INPP4B: variants seen among roughly 807,000 people sequenced by gnomAD.
INPP4B encodes inositol polyphosphate-4-phosphatase type II B.
In INPP4B, 55 loss-of-function variants were observed where a neutral mutation model predicts 122.5. That is an observed-to-expected ratio of 0.45 (90% CI 0.36 to 0.56). The LOEUF is 0.56. Ranked by LOEUF, INPP4B falls within the 20% of genes least tolerant of loss-of-function variation. INPP4B has a pLI of 0.00. For synonymous variants in INPP4B, 403 were observed against 388.7 expected (o/e 1.04, Z -0.43); for missense variants, 1,000 against 1,097.7 (o/e 0.91, Z 1.26).
intron 2 of INPP4B, among the ~76,000 whole-genome samples, chr4:142,509,106 C>G (rs950244449): frequency 1.3e-5 from 2 of 152,174 alleles, no homozygotes; most frequent in Non-Finnish European, 2.9e-5. Flanking sequence ...ATACAATTTA[C>G]AGAGTATCAA....
intron 2 of INPP4B, among the ~76,000 whole-genome samples, chr4:142,472,900 G>T (rs1218624927): frequency 6.6e-6 from 1 of 152,158 alleles, no homozygotes; most frequent in Non-Finnish European, 1.5e-5. Context: ...AATTTTTCTT[G>T]AAGTAGCTAC....
chr4:142,327,617 G>A lies in INPP4B; in HGVS notation c.373-12855C>T, dbSNP rs76322474. ...CAAAGCATCTAATAGTTTAATCAAT[G>A]GTTCTCAACATGGGCTGCACTTTAG... On this transcript the variant is annotated intron_variant, in intron 7 of 25. Transcript: ENST00000262992. Among the ~76,000 whole-genome samples, 642 of 152,160 alleles carry A rather than the reference G, an allele frequency of 4.2e-3. 7 individuals carry two copies. The highest frequency in any genetic ancestry group is 0.014 in the African/African-American group (594 of 41,486).
intron 2 of INPP4B, among the ~76,000 whole-genome samples, chr4:142,691,187 G>A (rs531667743): frequency 2.5e-4 from 38 of 152,086 alleles, no homozygotes; most frequent in Admixed American, 7.9e-4. Context: ...CTATCACCAT[G>A]TTTCCTATCA....
chr4:142,792,484 T>G (rs1011292736), intron 1 of INPP4B, among the ~76,000 whole-genome samples: 2 of 152,128 alleles, frequency 1.3e-5, no homozygotes, highest in Non-Finnish European at 2.9e-5. Flanking sequence ...TTTTAGGTGC[T>G]GTATGATTTT....
At chr4:142,585,595 T>C (rs78657749) in intron 2 of INPP4B, among the ~76,000 whole-genome samples, 2 of 152,108 alleles carry the variant, frequency 1.3e-5, no homozygotes, top group Non-Finnish European at 2.9e-5. Flanking sequence ...CATATATTCT[T>C]GCTCAACTGT....
chr4:142,259,212 G>C (rs1444678467), intron 11 of INPP4B, among the ~76,000 whole-genome samples: 1 of 112,784 alleles, frequency 8.9e-6, no homozygotes, highest in African/African-American at 3.3e-5. Context: ...TGTGGGGTGG[G>C]GGGAGGGGGG....
chr4:142,041,446 C>T (rs1296928474), intron 25 of INPP4B, among the ~76,000 whole-genome samples: 11 of 152,068 alleles, frequency 7.2e-5, no homozygotes, highest in East Asian at 5.8e-4. Context: ...GGTGAAACCC[C>T]GCCTCTACTA....
chr4:142,168,254 C>T (rs1823829682), intron 16 of INPP4B, among the ~76,000 whole-genome samples: 2 of 151,410 alleles, frequency 1.3e-5, no homozygotes, highest in Middle Eastern at 3.4e-3. Context: ...TGATTTCTGC[C>T]AATATTTTTA....
chr4:142,147,148 T>G (rs770661849), intron 17 of INPP4B, among the ~76,000 whole-genome samples: 3 of 152,140 alleles, frequency 2.0e-5, no homozygotes, highest in Non-Finnish European at 4.4e-5. Flanking sequence ...TTTCAGTGGG[T>G]GCTTTCTCTA....
intron 11 of INPP4B, among the ~76,000 whole-genome samples, chr4:142,257,157 C>T (rs554317668): frequency 7.2e-5 from 11 of 152,020 alleles, no homozygotes; most frequent in African/African-American, 1.7e-4. Flanking sequence ...ATTCAACAAC[C>T]CTTCATGCTA....
At chr4:142,575,503 A>G (rs1306397945) in intron 2 of INPP4B, among the ~76,000 whole-genome samples, 2 of 152,040 alleles carry the variant, frequency 1.3e-5, no homozygotes, top group Non-Finnish European at 2.9e-5. Flanking sequence ...CTGCTATATC[A>G]TGAATGTAAA....
chr4:142,293,206 T>C (rs1757187032), intron 9 of INPP4B, among the ~76,000 whole-genome samples: 1 of 151,858 alleles, frequency 6.6e-6, no homozygotes, highest in Non-Finnish European at 1.5e-5. Context: ...GCCCGGCTGA[T>C]TTTTTGTATT....
intron 2 of INPP4B, among the ~76,000 whole-genome samples, chr4:142,551,544 G>A (rs1227499465): frequency 6.6e-6 from 1 of 152,174 alleles, no homozygotes; most frequent in African/African-American, 2.4e-5. Flanking sequence ...TTTCAGTGAT[G>A]TAAACCCCTT....
chr4:142,024,553 T>C lies in INPP4B; in HGVS notation c.*4229A>G, dbSNP rs902999810. The C allele has an allele frequency of 6.6e-6, 1 of 152,164 alleles. No individual in the cohort carries two copies. Among genetic ancestry groups the C allele is most frequent in the Non-Finnish European group, 1.5e-5 (1 of 68,022 alleles). The allele number at this position is 152,164 out of a possible 1,614,324, so 9.4% of individuals were successfully genotyped here. Reference sequence around the variant, plus strand: ...TTATTTCCTAAAAGACTACAAATGGTGCCTCATATATTGAACCAAACAAAT... The same window carrying C: ...TTATTTCCTAAAAGACTACAAATGGCGCCTCATATATTGAACCAAACAAAT... On this transcript the variant is annotated 3_prime_UTR_variant, in exon 26 of 26. Coordinates refer to ENST00000262992, the MANE Select transcript of INPP4B (RefSeq NM_001101669.3).
chr4:142,047,734 A>C (rs1344965912), intron 25 of INPP4B, among the ~76,000 whole-genome samples: 1 of 152,086 alleles, frequency 6.6e-6, no homozygotes, highest in Admixed American at 6.6e-5. Context: ...ATTCCTGTGC[A>C]GAAATACTCC....
intron 7 of INPP4B, among the ~76,000 whole-genome samples, chr4:142,393,698 T>C (rs1217778963): frequency 1.3e-5 from 2 of 152,210 alleles, no homozygotes; most frequent in Non-Finnish European, 2.9e-5. Context: ...TCTGCAACAA[T>C]AGCTGAGTCT....
At position 142,589,861 on chromosome 4, in the gene INPP4B, G is replaced by A. The variant is rs188239680; in HGVS notation, c.-190-127135C>T. On this transcript the variant is annotated intron_variant, in intron 2 of 25. Transcript: ENST00000262992. ...CATTTATTTGTAATCAGCCCAAACT[G>A]GAAGACAACCAAAATGACCTTTGAT... 3.9e-5 allele frequency among the ~76,000 whole-genome samples: 6 copies of A among 151,970 alleles called. 1 individual carries two copies. Among genetic ancestry groups the A allele is most frequent in the South Asian group, 2.1e-4 (1 of 4,812 alleles).
intron 2 of INPP4B, among the ~76,000 whole-genome samples, chr4:142,617,559 T>A (rs895477096): frequency 1.4e-4 from 21 of 152,104 alleles, no homozygotes; most frequent in African/African-American, 5.1e-4. Context: ...GGAAGGGACA[T>A]GAGTTTGGGT....
At chr4:142,786,279 C>T (rs1775747599) in intron 1 of INPP4B, among the ~76,000 whole-genome samples, 1 of 152,036 alleles carries the variant, frequency 6.6e-6, no homozygotes, top group Admixed American at 6.6e-5. Context: ...AAACTAAAAC[C>T]TCATATTGAT....
Sources: gnomAD v4.1 joint callset for allele counts (sites outside exome capture counted in the v4.1 genomes callset) on GRCh38, gnomAD v4.1.1 for gene constraint, MANE v1.5 for transcripts, NCBI Gene and HGNC (gene_info 2026-07-23, HGNC 2026-07-21) for gene names.